Variants in ZFHX3 observed in about 807,000 individuals in gnomAD.
ZFHX3 encodes the protein zinc finger homeobox 3.
In ZFHX3, 42 loss-of-function variants were observed where a neutral mutation model predicts 279.1. The observed-to-expected ratio is 0.15, with a 90% CI of 0.12 to 0.19. The LOEUF (loss-of-function observed/expected upper bound fraction) is 0.19. Ranked by LOEUF, ZFHX3 falls within the 10% of genes least tolerant of loss-of-function variation. The pLI, the probability that ZFHX3 is intolerant of heterozygous loss-of-function variation, is 1.00. For synonymous variants in ZFHX3, 2,293 were observed against 1,957.8 expected (o/e 1.17, Z -4.52); for missense variants, 4,981 against 4,754.0 (o/e 1.05, Z -1.40).
At chr16:73,818,706 T>C (rs1383537402) in intron 1 of ZFHX3, among the ~76,000 whole-genome samples, 1 of 152,224 alleles carries the variant, frequency 6.6e-6, no homozygotes, top group Non-Finnish European at 1.5e-5. Flanking sequence ...AAAGTCTGCA[T>C]TGTGCTGGAA....
intron 4 of ZFHX3, among the ~76,000 whole-genome samples, chr16:73,283,243 T>C (rs1200812099): frequency 6.6e-6 from 1 of 152,240 alleles, no homozygotes; most frequent in Non-Finnish European, 1.5e-5. Flanking sequence ...ATTCTCATCC[T>C]CGTTTTGGTA....
At chr16:73,075,125 T>TAA (rs1965872296) in intron 8 of ZFHX3, among the ~76,000 whole-genome samples, 1 of 152,140 alleles carries the variant, frequency 6.6e-6, no homozygotes, top group South Asian at 2.1e-4. Context: ...TTGCTTGTTT[T>TAA]AAAGCATAAT....
intron 4 of ZFHX3, among the ~76,000 whole-genome samples, chr16:72,875,607 C>T (rs1472969280): frequency 2.0e-4 from 31 of 152,170 alleles, no homozygotes; most frequent in Non-Finnish European, 8.8e-5. Context: ...AACCATTCCG[C>T]CCATAAAAAT....
rs762241832 is a variant in ZFHX3, at chr16:72,806,702, G to A, written c.3864+4875C>T. The stretch of plus-strand genomic sequence containing the variant: ...AGCATAGAGAGTCACAGACGCTGAC[G>A]GAAAAAAATCACAAGGTTACAAACT... On this transcript the variant is annotated intron_variant, in intron 7 of 9. Coordinates refer to ENST00000268489, the MANE Select transcript of ZFHX3 (RefSeq NM_006885.4). Among the ~76,000 whole-genome samples, 78 of 151,972 alleles carry A rather than the reference G, an allele frequency of 5.1e-4. 1 individual carries two copies. The highest frequency in any genetic ancestry group is 4.0e-3 in the Admixed American group (61 of 15,262).
At chr16:73,729,897 A>C (rs78599615) in intron 1 of ZFHX3, among the ~76,000 whole-genome samples, 2,055 of 152,302 alleles carry the variant, frequency 0.013, 49 homozygotes, top group African/African-American at 0.047. Flanking sequence ...CGTCTCTACC[A>C]GTTAAGTTAG....
At chr16:73,617,673 G>T (rs531953149) in intron 2 of ZFHX3, among the ~76,000 whole-genome samples, 1 of 151,614 alleles carries the variant, frequency 6.6e-6, no homozygotes, top group African/African-American at 2.4e-5. Context: ...GTCTTTGTTA[G>T]GACTGTGTTT....
chr16:73,431,130 T>C (rs370161602), intron 3 of ZFHX3, among the ~76,000 whole-genome samples: 2 of 152,240 alleles, frequency 1.3e-5, no homozygotes, highest in African/African-American at 2.4e-5. Flanking sequence ...CTAAACGGCA[T>C]TGACAGAAAA....
chr16:73,115,497 C>T (rs953101293), intron 7 of ZFHX3, among the ~76,000 whole-genome samples: 1 of 151,892 alleles, frequency 6.6e-6, no homozygotes, highest in South Asian at 2.1e-4. Flanking sequence ...CTGCAGTGAA[C>T]CGGGATCATG....
chr16:73,419,803 G>C (rs1182918689), intron 3 of ZFHX3, among the ~76,000 whole-genome samples: 1 of 152,010 alleles, frequency 6.6e-6, no homozygotes, highest in East Asian at 1.9e-4. Context: ...GTCCATAAGG[G>C]TGTTGATACT....
intron 1 of ZFHX3, among the ~76,000 whole-genome samples, chr16:73,715,036 A>G (rs189202690): frequency 6.6e-6 from 1 of 152,204 alleles, no homozygotes; most frequent in African/African-American, 2.4e-5. Flanking sequence ...TACCCCCATG[A>G]AGTTGCAGCT....
chr16:72,794,015 C>T lies in ZFHX3; in HGVS notation c.8667G>A (p.Arg2889=), dbSNP rs1231542747. The T allele has an allele frequency of 1.2e-6, 2 of 1,614,076 alleles. No homozygotes were observed. Among genetic ancestry groups the T allele is most frequent in the Non-Finnish European group, 1.7e-6 (2 of 1,180,046 alleles). The change falls in exon 9 of 10, where the codon CGG becomes CGA. Residue 2889 remains arginine (R), a synonymous_variant. Transcript: ENST00000268489. This position sits in a 1 kb window ranked among gnomAD's most constrained non-coding sequence, Gnocchi z 4.2. ...CCGGGCTGACCAGACCAGATGACAA[C>T]CGATCTTCATACTCAGACATTGCCA... The part of the protein sequence containing the change: ...AMMAMSEYED[R]LSSGLVSPAP...
intron 2 of ZFHX3, among the ~76,000 whole-genome samples, chr16:73,652,463 A>G (rs1234328698): frequency 6.6e-6 from 1 of 152,238 alleles, no homozygotes; most frequent in Non-Finnish European, 1.5e-5. Context: ...TATTCTCACT[A>G]AAGAAAATAA....
chr16:72,872,235 A>G (rs1054822903), intron 4 of ZFHX3, among the ~76,000 whole-genome samples: 3 of 152,234 alleles, frequency 2.0e-5, no homozygotes, highest in African/African-American at 7.2e-5. Flanking sequence ...ATGATATGCA[A>G]ATTTCATTTA....
chr16:73,019,327 CGTGT>C (rs3081631), intron 1 of ZFHX3, among the ~76,000 whole-genome samples: 42,730 of 148,738 alleles, frequency 0.29, 6,085 homozygotes, highest in East Asian at 0.32. Flanking sequence ...CCAGCGTGTG[CGTGT>C]GTGTGTCTGT....
At chr16:73,665,808 CTT>C (rs527815602) in intron 2 of ZFHX3, among the ~76,000 whole-genome samples, 22,830 of 90,130 alleles carry the variant, frequency 0.25, 3,027 homozygotes, top group African/African-American at 0.4. Context: ...TCTTCAATAA[CTT>C]TTTTTTTTTT....
rs1054536080 is a variant in ZFHX3, at chr16:73,831,905, G to GT, written c.-1608+59745dup. On this transcript the variant is annotated intron_variant, in intron 1 of 17. Transcript: ENST00000641206. ...GACTAGAGTTTCATCTGGCTTCTTT[G>GT]TTTTTTTGTTTTTGAAATGGAGTCT... 7.0e-4 allele frequency among the ~76,000 whole-genome samples: 106 copies of GT among 152,124 alleles called. 1 individual carries two copies. The highest frequency in any genetic ancestry group is 1.4e-3 in the African/African-American group (59 of 41,496).
chr16:73,220,902 T>C (rs1185168367), intron 5 of ZFHX3, among the ~76,000 whole-genome samples: 1 of 152,142 alleles, frequency 6.6e-6, no homozygotes, highest in Non-Finnish European at 1.5e-5. Flanking sequence ...GGGCGATGGA[T>C]GTTTTTGTGC....
At chr16:73,128,311 T>C (rs1966608675) in intron 7 of ZFHX3, among the ~76,000 whole-genome samples, 3 of 152,222 alleles carry the variant, frequency 2.0e-5, no homozygotes, top group African/African-American at 4.8e-5. Flanking sequence ...CAAATTACCA[T>C]GTGCTGAATG....
intron 4 of ZFHX3, among the ~76,000 whole-genome samples, chr16:73,316,751 G>C (rs917399435): frequency 6.6e-6 from 1 of 151,986 alleles, no homozygotes; most frequent in African/African-American, 2.4e-5. Context: ...GCTATACTTA[G>C]GCCTTCACAT....
Sources: gnomAD v4.1 joint callset for allele counts (sites outside exome capture counted in the v4.1 genomes callset) on GRCh38, gnomAD v4.1.1 for gene constraint, Gnocchi (gnomAD v3.1) non-coding constraint, MANE v1.5 for transcripts, NCBI Gene and HGNC (gene_info 2026-07-23, HGNC 2026-07-21) for gene names.